Variants in SV2C observed in about 807,000 individuals in gnomAD.
SV2C encodes synaptic vesicle glycoprotein 2C.
Under a neutral mutation model 79.7 loss-of-function variants are expected in SV2C, and 49 were observed. The ratio of observed to expected loss-of-function variants is 0.61; its 90% CI spans 0.49 to 0.78. The LOEUF (loss-of-function observed/expected upper bound fraction) is 0.78. Among genes scored for constraint, SV2C ranks in the 30% least tolerant of loss-of-function variants. The pLI is 0.00. For missense variants in SV2C, 833 were observed against 912.9 expected, an observed-to-expected ratio of 0.91 and a Z score of 1.13; for synonymous variants, 334 against 333.2, an observed-to-expected ratio of 1.00 and a Z score of -0.03.
At chr5:76,261,719 G>T (rs181710096) in intron 4 of SV2C, among the ~76,000 whole-genome samples, 23 of 152,274 alleles carry the variant, frequency 1.5e-4, no homozygotes, top group African/African-American at 4.6e-4. Flanking sequence ...TTTTGTCATT[G>T]GTTCGGTTTA....
At position 76,241,905 on chromosome 5, in the gene SV2C, CT is replaced by C. The variant is rs1298157922; in HGVS notation, c.913+32021del. ...AGTGTTCTATGTGCTAACAACATAG[CT>C]TTAAAAAAAATAAAATAAAATAAAA... is the stretch of plus-strand genomic sequence containing the variant. On this transcript the variant is annotated intron_variant, in intron 4 of 12. Transcript: ENST00000502798. 11 of 665,400 alleles carry C rather than the reference CT, an allele frequency of 1.7e-5. No homozygotes were observed. The Admixed American group carries it at 2.2e-4, about 13-fold the overall frequency. The allele number at this position is 665,400 out of a possible 1,614,324, so 41.2% of individuals were successfully genotyped here. A position where few individuals can be genotyped will look rare whatever the true frequency, so the allele number is the denominator to read the frequency against.
chr5:75,921,549 T>G, the SV2C span: 1 of 845,308 alleles, frequency 1.2e-6, no homozygotes, highest in Non-Finnish European at 2.1e-6. Flanking sequence ...GAAGGCATGG[T>G]CTTGGGGTTT....
intron 4 of SV2C, among the ~76,000 whole-genome samples, chr5:76,231,640 A>G (rs1468411097): frequency 7.2e-6 from 1 of 138,840 alleles, no homozygotes; most frequent in Non-Finnish European, 1.5e-5. Flanking sequence ...TCCTGTGTCC[A>G]TGTGATCTCA....
At chr5:76,246,807 T>C (rs1435142303) in intron 4 of SV2C, among the ~76,000 whole-genome samples, 2 of 152,134 alleles carry the variant, frequency 1.3e-5, no homozygotes, top group Admixed American at 1.3e-4. Flanking sequence ...CTACCCTACA[T>C]ATACACATGC....
At chr5:76,238,565 C>T (rs1361985859) in intron 4 of SV2C, among the ~76,000 whole-genome samples, 6 of 152,080 alleles carry the variant, frequency 3.9e-5, no homozygotes, top group Non-Finnish European at 7.4e-5. Flanking sequence ...GAGCGAAGCA[C>T]GGAAAATCTG....
chr5:76,006,550 C>T, the SV2C span, among the ~76,000 whole-genome samples: 1 of 152,150 alleles, frequency 6.6e-6, no homozygotes, highest in Non-Finnish European at 1.5e-5. Flanking sequence ...AATATAAAGG[C>T]TAATCCCTGA....
intron 1 of SV2C, among the ~76,000 whole-genome samples, chr5:76,108,377 A>G (rs1297090609): frequency 6.6e-6 from 1 of 152,218 alleles, no homozygotes; most frequent in Non-Finnish European, 1.5e-5. Context: ...AGAGGACACA[A>G]GAAACGGAAT....
At chr5:76,011,190 A>C in the SV2C span, among the ~76,000 whole-genome samples, 1 of 152,036 alleles carries the variant, frequency 6.6e-6, no homozygotes, top group African/African-American at 2.4e-5. Flanking sequence ...TCCCACAGAG[A>C]CTCTGGCTTC....
chr5:76,156,890 C>G (rs1004424704), intron 2 of SV2C, among the ~76,000 whole-genome samples: 3 of 151,942 alleles, frequency 2.0e-5, no homozygotes, highest in African/African-American at 7.2e-5. Context: ...AAAAAATGAA[C>G]AGAGCCTTAG....
chr5:75,990,480 C>T, the SV2C span, among the ~76,000 whole-genome samples: 4 of 151,926 alleles, frequency 2.6e-5, no homozygotes, highest in Non-Finnish European at 4.4e-5. Flanking sequence ...GTTAATCTTT[C>T]TTTCATTACA....
At chr5:75,934,955 T>C in the SV2C span, among the ~76,000 whole-genome samples, 1 of 151,772 alleles carries the variant, frequency 6.6e-6, no homozygotes, top group Non-Finnish European at 1.5e-5. Context: ...TGTTATATCA[T>C]GGAAAAGAGC....
chr5:75,971,617 A>C, the SV2C span, among the ~76,000 whole-genome samples: 1 of 152,160 alleles, frequency 6.6e-6, no homozygotes, highest in Non-Finnish European at 1.5e-5. Context: ...CTAACTTACA[A>C]GGGACATGAA....
At chr5:76,142,903 C>CTTTTTTCTTTTTTT (rs1749303040) in intron 2 of SV2C, among the ~76,000 whole-genome samples, 1 of 134,574 alleles carries the variant, frequency 7.4e-6, no homozygotes, top group Non-Finnish European at 1.6e-5. Context: ...TTTTCTTTTC[C>CTTTTTTCTTTTTTT]TTTTTTTTTG....
chr5:76,167,606 T>C (rs1743081958), intron 2 of SV2C, among the ~76,000 whole-genome samples: 1 of 152,258 alleles, frequency 6.6e-6, no homozygotes, highest in Admixed American at 6.5e-5. Context: ...TTTATTTTCA[T>C]GAGAACTCTA....
the SV2C span, among the ~76,000 whole-genome samples, chr5:75,897,203 T>C: frequency 2.0e-5 from 3 of 151,394 alleles, no homozygotes; most frequent in Non-Finnish European, 4.4e-5. Context: ...TGGTTTTAGG[T>C]CTAACATGTA....
chr5:75,982,219 T>TTAAAGA, the SV2C span, among the ~76,000 whole-genome samples: 1 of 46,692 alleles, frequency 2.1e-5, no homozygotes, highest in Non-Finnish European at 5.1e-5. Context: ...ACCCTAAAAC[T>TTAAAGA]TAATTAAAAA....
chr5:76,345,743 C>T (rs1749525758), intron 12 of SV2C, among the ~76,000 whole-genome samples: 1 of 152,170 alleles, frequency 6.6e-6, no homozygotes, highest in Admixed American at 6.5e-5. Context: ...CTCATTTCAT[C>T]CTCCCAGGAA....
chr5:76,131,980 A>G lies in SV2C; in HGVS notation c.230A>G (p.Glu77Gly). 13 of 1,613,884 alleles carry G rather than the reference A, an allele frequency of 8.1e-6. No individual in the cohort carries two copies. Among genetic ancestry groups the G allele is most frequent in the Non-Finnish European group, 1.0e-5 (12 of 1,179,898 alleles). ...GCCAACGATGACGAAGGCTCAAGTG[A>G]AGCCACTGAGGGGCATGATGAAGAT... ...GEANDDEGSSEATEGHDEDDE... is the reference protein window; with the variant it reads ...GEANDDEGSSGATEGHDEDDE... Residue 77 changes from glutamate to glycine, a missense_variant, in exon 2 of 13, where the codon GAA becomes GGA. By Grantham distance (98) the Glu-to-Gly change is moderately conservative. Transcript: ENST00000502798.
intron 3 of SV2C, among the ~76,000 whole-genome samples, chr5:76,205,084 A>G (rs186946513): frequency 3.9e-5 from 6 of 152,168 alleles, no homozygotes; most frequent in Admixed American, 1.3e-4. Flanking sequence ...ATAAATGAAT[A>G]TATTTCATGA....
Sources: allele counts gnomAD v4.1 joint callset (sites outside exome capture counted in the v4.1 genomes callset), GRCh38; gene constraint gnomAD v4.1.1; transcripts MANE v1.5; gene names NCBI Gene and HGNC (gene_info 2026-07-23, HGNC 2026-07-21).